CSMD1: variants seen among roughly 807,000 people sequenced by gnomAD.
The protein encoded by CSMD1 is CUB and sushi domain-containing protein 1.
CSMD1 carries 213 observed loss-of-function variants against 417.5 expected under a neutral mutation model. The observed-to-expected ratio is 0.51, with a 90% CI of 0.46 to 0.57. CSMD1 has a LOEUF of 0.57. Among genes scored for constraint, CSMD1 ranks in the 20% least tolerant of loss-of-function variants. The pLI, the probability that CSMD1 is intolerant of heterozygous loss-of-function variation, is 0.00. For synonymous variants in CSMD1, 2,862 were observed against 1,736.8 expected, an observed-to-expected ratio of 1.65 and a Z score of -16.11; for missense variants, 6,923 against 4,529.7, an observed-to-expected ratio of 1.53 and a Z score of -15.17.
At chr8:3,247,124 G>A (rs577816736) in intron 26 of CSMD1, among the ~76,000 whole-genome samples, 1 of 152,184 alleles carries the variant, frequency 6.6e-6, no homozygotes, top group Non-Finnish European at 1.5e-5. Context: ...TGTCAGGTGT[G>A]ATGTCTCATT....
At chr8:3,651,406 C>A (rs559325861) in intron 7 of CSMD1, among the ~76,000 whole-genome samples, 37 of 152,250 alleles carry the variant, frequency 2.4e-4, no homozygotes, top group African/African-American at 7.7e-4. Context: ...CATGGCCCTT[C>A]ATGGAGTACC....
chr8:3,981,281 G>C (rs938816475), intron 5 of CSMD1, among the ~76,000 whole-genome samples: 2 of 152,034 alleles, frequency 1.3e-5, no homozygotes, highest in Admixed American at 1.3e-4. Flanking sequence ...CTGATATGTG[G>C]GAGCTAAGCT....
At chr8:4,279,731 T>C (rs1304346358) in intron 3 of CSMD1, among the ~76,000 whole-genome samples, 1 of 152,186 alleles carries the variant, frequency 6.6e-6, no homozygotes, top group Non-Finnish European at 1.5e-5. Context: ...CAATTTTCAA[T>C]GCAGCATTTC....
intron 1 of CSMD1, among the ~76,000 whole-genome samples, chr8:4,649,896 G>A (rs1803775854): frequency 6.6e-6 from 1 of 152,176 alleles, no homozygotes; most frequent in African/African-American, 2.4e-5. Context: ...GCAGGTGTAT[G>A]ACTGGGGGCA....
intron 10 of CSMD1, among the ~76,000 whole-genome samples, chr8:3,569,463 G>C (rs1799856159): frequency 6.6e-6 from 1 of 152,138 alleles, no homozygotes; most frequent in South Asian, 2.1e-4. Flanking sequence ...AAAAAGAGAA[G>C]TTTGTATTGA....
chr8:4,662,783 C>A (rs1804680304), intron 1 of CSMD1, among the ~76,000 whole-genome samples: 1 of 152,166 alleles, frequency 6.6e-6, no homozygotes, highest in Non-Finnish European at 1.5e-5. Context: ...TCCTTTTCCA[C>A]CAGGGATTCA....
chr8:4,960,597 G>C (rs1174151118), intron 1 of CSMD1, among the ~76,000 whole-genome samples: 1 of 152,180 alleles, frequency 6.6e-6, no homozygotes, highest in Non-Finnish European at 1.5e-5. Context: ...AATAATGCCA[G>C]TGCATACATA....
chr8:4,561,883 T>C (rs1275212102), intron 2 of CSMD1, among the ~76,000 whole-genome samples: 1 of 152,162 alleles, frequency 6.6e-6, no homozygotes, highest in Non-Finnish European at 1.5e-5. Flanking sequence ...ACAGCGCATA[T>C]GTCATGAAGC....
chr8:3,261,263 G>C (rs1801040782), intron 26 of CSMD1, among the ~76,000 whole-genome samples: 1 of 152,168 alleles, frequency 6.6e-6, no homozygotes, highest in Admixed American at 6.5e-5. Flanking sequence ...ACGCGTTGCT[G>C]GTGAGAATGT....
chr8:4,827,121 C>T (rs1799880267), intron 1 of CSMD1, among the ~76,000 whole-genome samples: 1 of 152,018 alleles, frequency 6.6e-6, no homozygotes, highest in Non-Finnish European at 1.5e-5. Context: ...GAAGCAGAAT[C>T]AATCAGCTAG....
intron 3 of CSMD1, among the ~76,000 whole-genome samples, chr8:4,225,554 G>C (rs973679904): frequency 7.1e-6 from 1 of 140,532 alleles, no homozygotes; most frequent in African/African-American, 2.7e-5. Flanking sequence ...TTCTTCCTTA[G>C]CATGGCTGTT....
rs181254393 is a variant in CSMD1, at chr8:4,835,244, G to T, written c.85+159088C>A. 4.3e-3 allele frequency among the ~76,000 whole-genome samples: 655 copies of T among 152,200 alleles called. 4 individuals carry two copies. Among genetic ancestry groups the T allele is most frequent in the African/African-American group, 0.015 (638 of 41,548 alleles). On this transcript the variant is annotated intron_variant, in intron 1 of 69. Transcript: ENST00000635120. ...GGAGATAAATGATTGAATTGCAACA[G>T]TGGCAGTGGGGATACTAAGGAGAGG...
intron 2 of CSMD1, among the ~76,000 whole-genome samples, chr8:4,548,644 C>G (rs918848302): frequency 6.6e-6 from 1 of 152,094 alleles, no homozygotes; most frequent in South Asian, 2.1e-4. Flanking sequence ...AGAATGATTT[C>G]AAAAATCATC....
rs777312124 is a variant in CSMD1 at position 3,091,533 on chromosome 8, A to C, written c.7268T>G (p.Phe2423Cys). The C allele has an allele frequency of 6.2e-7, 1 of 1,604,672 alleles. No homozygotes were observed. Among genetic ancestry groups the C allele is most frequent in the Non-Finnish European group, 8.5e-7 (1 of 1,177,896 alleles). Reference protein sequence around the residue: ...STDHATSKKGFKIRYAAPYCS... With the variant: ...STDHATSKKGCKIRYAAPYCS... ...TTACTTACCTGCATAGCGAATCTTG[A>C]ATCCTTTCTTACTGGTGGCATGGTC... Residue 2423 changes from phenylalanine to cysteine, a missense_variant, in exon 48 of 70, where the codon TTC becomes TGC. Coordinates refer to ENST00000635120, the MANE Select transcript of CSMD1 (RefSeq NM_033225.6).
In CSMD1 at chr8:4,459,310, G is replaced by A. The variant is rs189527641; in HGVS notation, c.303-39245C>T. ...GCACCAGATGGCATATAAGGTGAAG[G>A]TTCTATGCCACCAGGAGCAAACCAA... On this transcript the variant is annotated intron_variant, in intron 2 of 69. Transcript: ENST00000635120. Among the ~76,000 whole-genome samples, 19 of 152,294 alleles carry A rather than the reference G, an allele frequency of 1.2e-4. 1 individual carries two copies. The South Asian group carries it at 3.1e-3, about 25-fold the overall frequency.
chr8:4,207,999 G>C (rs538065658), intron 3 of CSMD1, among the ~76,000 whole-genome samples: 4 of 152,200 alleles, frequency 2.6e-5, no homozygotes, highest in East Asian at 1.9e-4. Flanking sequence ...GCAGAGAAAA[G>C]TTTAAAACCT....
intron 3 of CSMD1, among the ~76,000 whole-genome samples, chr8:4,187,281 T>C (rs970873202): frequency 4.6e-5 from 7 of 152,196 alleles, no homozygotes; most frequent in African/African-American, 1.7e-4. Flanking sequence ...TAGGGAATAC[T>C]GATGCTCTTT....
intron 12 of CSMD1, among the ~76,000 whole-genome samples, chr8:3,459,249 G>A: frequency 6.6e-6 from 1 of 152,178 alleles, no homozygotes; most frequent in Non-Finnish European, 1.5e-5. Flanking sequence ...GCACGAAGAG[G>A]CTGACTCATG....
Position 3,151,389 on chromosome 8 carries a change from T to A in CSMD1, c.6031+8A>T. 1 of 1,568,204 alleles carries A rather than the reference T, an allele frequency of 6.4e-7. No individual in the cohort carries two copies. The highest frequency in any genetic ancestry group is 1.7e-4 in the Middle Eastern group (1 of 5,976). On this transcript the variant is annotated splice_region_variant and intron_variant, in intron 40 of 69. Transcript: ENST00000635120. ...GAACTTTTAGGAATTGGTAACATTTTCACTTACCATAGCCGATGGGTAATG... is the reference window on the plus strand; with the variant it reads ...GAACTTTTAGGAATTGGTAACATTTACACTTACCATAGCCGATGGGTAATG...
Sources: gnomAD v4.1 joint callset for allele counts (sites outside exome capture counted in the v4.1 genomes callset) on GRCh38, gnomAD v4.1.1 for gene constraint, MANE v1.5 for transcripts, NCBI Gene and HGNC (gene_info 2026-07-23, HGNC 2026-07-21) for gene names.